The following CCDC178 variants were observed in gnomAD, a reference collection of about 807,000 sequenced individuals.
CCDC178 encodes the protein coiled-coil domain-containing protein 178.
A neutral mutation model predicts 117.4 loss-of-function variants in CCDC178; 126 were observed. The ratio of observed to expected loss-of-function variants is 1.07; its 90% CI spans 0.93 to 1.24. The LOEUF is 1.24. Among genes scored for constraint, CCDC178 ranks in the 50% most tolerant of loss-of-function variants. The probability of loss-of-function intolerance (pLI) is 0.00; values close to 1 mark genes in which losing one functional copy is unlikely to be tolerated. For missense variants in CCDC178, 1,030 were observed against 986.9 expected (o/e 1.04, Z -0.59); for synonymous variants, 283 against 313.4 (o/e 0.90, Z 1.02).
intron 20 of CCDC178, among the ~76,000 whole-genome samples, chr18:33,195,413 C>G (rs890271747): frequency 1.3e-5 from 2 of 152,040 alleles, no homozygotes; most frequent in Non-Finnish European, 2.9e-5. Flanking sequence ...CCCTGGTTAC[C>G]TGAGAGAAAG....
intron 11 of CCDC178, among the ~76,000 whole-genome samples, chr18:33,306,621 T>A (rs1009503173): frequency 7.5e-5 from 11 of 146,034 alleles, no homozygotes; most frequent in Non-Finnish European, 1.5e-4. Context: ...TATATATGGT[T>A]ATATATATAT....
intron 18 of CCDC178, among the ~76,000 whole-genome samples, chr18:33,216,453 T>C (rs2059166263): frequency 6.6e-6 from 1 of 152,058 alleles, no homozygotes; most frequent in Admixed American, 6.6e-5. Context: ...TGTGTTCAAA[T>C]GGAACTGAGT....
intron 20 of CCDC178, among the ~76,000 whole-genome samples, chr18:33,155,683 A>G (rs1290738654): frequency 4.6e-5 from 7 of 152,176 alleles, no homozygotes; most frequent in Non-Finnish European, 7.4e-5. Flanking sequence ...CTTCGGACCT[A>G]CTTGATGGTT....
intron 9 of CCDC178, among the ~76,000 whole-genome samples, chr18:33,336,589 C>T (rs75182837): frequency 0.077 from 11,728 of 151,928 alleles, 526 homozygotes; most frequent in Non-Finnish European, 0.093. Flanking sequence ...AAAATGAACA[C>T]CCTATTCTCA....
At chr18:33,380,651 C>T (rs2063428616) in intron 5 of CCDC178, among the ~76,000 whole-genome samples, 1 of 152,150 alleles carries the variant, frequency 6.6e-6, no homozygotes, top group South Asian at 2.1e-4. Flanking sequence ...CTTTTAACAC[C>T]CAGATGCCAT....
chr18:33,412,372 T>A (rs966958171), intron 2 of CCDC178, among the ~76,000 whole-genome samples: 7 of 152,150 alleles, frequency 4.6e-5, no homozygotes, highest in Non-Finnish European at 8.8e-5. Context: ...GACTACGAGA[T>A]AATTTAGCAT....
intron 6 of CCDC178, among the ~76,000 whole-genome samples, chr18:33,366,714 G>C (rs542362476): frequency 7.8e-4 from 119 of 152,080 alleles, no homozygotes; most frequent in African/African-American, 2.7e-3. Flanking sequence ...TGGGGTGAAG[G>C]CTCCAGCTGA....
intron 20 of CCDC178, among the ~76,000 whole-genome samples, chr18:33,201,172 T>C (rs1432886269): frequency 1.3e-5 from 2 of 152,174 alleles, no homozygotes; most frequent in African/African-American, 4.8e-5. Flanking sequence ...TTTAAGCAAA[T>C]CCTGCATCAC....
At chr18:33,266,779 T>G (rs1015497799) in intron 14 of CCDC178, 137 bp downstream of exon 14, 36 of 910,818 alleles carry the variant, frequency 4.0e-5, no homozygotes, top group Non-Finnish European at 4.5e-5. Context: ...AGGCAACATT[T>G]TGAATAGAAC....
intron 9 of CCDC178, among the ~76,000 whole-genome samples, chr18:33,343,034 C>A (rs894016247): frequency 3.3e-5 from 5 of 152,132 alleles, no homozygotes; most frequent in African/African-American, 4.8e-5. Context: ...CCCTTCCCAT[C>A]ATGTGACTGG....
At chr18:33,242,316 G>A (rs1374056813) in intron 15 of CCDC178, among the ~76,000 whole-genome samples, 1 of 151,590 alleles carries the variant, frequency 6.6e-6, no homozygotes, top group African/African-American at 2.4e-5. Flanking sequence ...AGAAAACATA[G>A]GATAAATGCT....
Position 33,264,179 on chromosome 18 carries a change from T to A in CCDC178, c.1409+2737A>T, listed in dbSNP as rs572831327. ...ATTTGCATACATTTGTAATGTAATA[T>A]ATACTTGCTGCCTACATATAGACTT... On this transcript the variant is annotated intron_variant, in intron 14 of 22. Coordinates refer to ENST00000383096, the MANE Select transcript of CCDC178 (RefSeq NM_001105528.4). Among the ~76,000 whole-genome samples the A allele has an allele frequency of 3.3e-5, 5 of 152,248 alleles. No individual in the cohort carries two copies. In the East Asian group the frequency reaches 5.8e-4, roughly 18 times the overall value.
rs185807268 is a variant in CCDC178 at position 33,033,713 on chromosome 18, C to T, written c.2389-59032G>A. ...TCAAAGAGTGGGCTGCATTTTTCAT[C>T]TTTTCCCTGTTTGTATTTCTCTTCT... On this transcript the variant is annotated intron_variant, in intron 21 of 22. Transcript: ENST00000383096. Among the ~76,000 whole-genome samples the T allele has an allele frequency of 2.4e-4, 36 of 152,074 alleles. No homozygotes were observed. In the East Asian group the frequency reaches 6.6e-3, roughly 28 times the overall value.
At chr18:33,144,519 G>A (rs928149526) in intron 20 of CCDC178, among the ~76,000 whole-genome samples, 1 of 152,054 alleles carries the variant, frequency 6.6e-6, no homozygotes, top group Admixed American at 6.5e-5. Context: ...ATGAATAGGT[G>A]AGTTTCTCTT....
chr18:33,092,735 C>A (rs777771235), intron 21 of CCDC178, 26 bp downstream of exon 21: 9 of 1,510,532 alleles, frequency 6.0e-6, no homozygotes, highest in Non-Finnish European at 8.2e-6. Context: ...AAATCATCAC[C>A]TTAAAACAAT....
At chr18:33,018,076 A>T (rs2056031675) in intron 21 of CCDC178, among the ~76,000 whole-genome samples, 1 of 152,054 alleles carries the variant, frequency 6.6e-6, no homozygotes, top group Non-Finnish European at 1.5e-5. Flanking sequence ...AAGGAACTCT[A>T]ACAAGTCAAT....
At chr18:33,170,891 T>TAAAAA (rs1351055738) in intron 20 of CCDC178, among the ~76,000 whole-genome samples, 2,406 of 152,308 alleles carry the variant, frequency 0.016, 28 homozygotes, top group Middle Eastern at 0.048. Context: ...TTTATTCATC[T>TAAAAA]TATAGTAGCA....
chr18:33,293,953 G>A (rs11875578), intron 11 of CCDC178, among the ~76,000 whole-genome samples: 125,550 of 151,924 alleles, frequency 0.83, 52,748 homozygotes, highest in South Asian at 0.92. Context: ...ATACAGGGAT[G>A]GAAAGGTAAG....
chr18:33,431,962 G>T (rs17740734), intron 2 of CCDC178, among the ~76,000 whole-genome samples: 28,892 of 152,154 alleles, frequency 0.19, 3,548 homozygotes, highest in Non-Finnish European at 0.27. Flanking sequence ...AGGTCTGTGA[G>T]CCCAGCAAGG....
Sources: gnomAD v4.1 joint callset for allele counts (sites outside exome capture counted in the v4.1 genomes callset) on GRCh38, gnomAD v4.1.1 for gene constraint, MANE v1.5 for transcripts, NCBI Gene and HGNC (gene_info 2026-07-23, HGNC 2026-07-21) for gene names.